The following GRID2 variants were observed in gnomAD, a reference collection of about 807,000 sequenced individuals.
GRID2 encodes the protein glutamate receptor ionotropic, delta-2.
A neutral mutation model predicts 114.8 loss-of-function variants in GRID2; 33 were observed. That is an observed-to-expected ratio of 0.29 (90% CI 0.22 to 0.38). The LOEUF (loss-of-function observed/expected upper bound fraction) is 0.38. Among genes scored for constraint, GRID2 ranks in the 10% least tolerant of loss-of-function variants. The pLI is 1.00. For synonymous variants in GRID2, 505 were observed against 449.9 expected (o/e 1.12, Z -1.55); for missense variants, 1,184 against 1,257.7 (o/e 0.94, Z 0.89).
intron 2 of GRID2, among the ~76,000 whole-genome samples, chr4:93,021,175 T>C (rs957187862): frequency 2.0e-5 from 3 of 152,016 alleles, no homozygotes; most frequent in African/African-American, 7.2e-5. Context: ...AAAATATAAA[T>C]GCCTGAAAAA....
chr4:93,303,303 G>A (rs1282298456), intron 8 of GRID2, among the ~76,000 whole-genome samples: 1 of 152,130 alleles, frequency 6.6e-6, no homozygotes, highest in Non-Finnish European at 1.5e-5. Flanking sequence ...ATCAAAATAT[G>A]TCCTAGAAGC....
At chr4:93,191,635 A>G (rs907933482) in intron 4 of GRID2, among the ~76,000 whole-genome samples, 3 of 152,092 alleles carry the variant, frequency 2.0e-5, no homozygotes, top group Non-Finnish European at 4.4e-5. Flanking sequence ...CTTTGGAATA[A>G]TACTGAAAAT....
intron 8 of GRID2, among the ~76,000 whole-genome samples, chr4:93,378,050 A>G (rs886730457): frequency 6.6e-6 from 1 of 152,154 alleles, no homozygotes. Context: ...GTTGAAAACA[A>G]TGAATGCAAA....
intron 2 of GRID2, among the ~76,000 whole-genome samples, chr4:92,788,842 G>A (rs116097474): frequency 6.6e-6 from 1 of 151,344 alleles, no homozygotes; most frequent in Non-Finnish European, 1.5e-5. Context: ...AGTATTTTTT[G>A]TATGTTTTAT....
chr4:92,688,948 T>C (rs1401947294), intron 2 of GRID2, among the ~76,000 whole-genome samples: 1 of 152,192 alleles, frequency 6.6e-6, no homozygotes, highest in Non-Finnish European at 1.5e-5. Flanking sequence ...ACTCTTTTGA[T>C]TCATGGGCTG....
At chr4:92,659,093 GTTATA>G (rs1732398477) in intron 2 of GRID2, among the ~76,000 whole-genome samples, 1 of 150,806 alleles carries the variant, frequency 6.6e-6, no homozygotes, top group Non-Finnish European at 1.5e-5. Flanking sequence ...AATAAAGATG[GTTATA>G]TTATAAGGAA....
At chr4:93,017,210 TACTC>T (rs1722833448) in intron 2 of GRID2, among the ~76,000 whole-genome samples, 1 of 152,212 alleles carries the variant, frequency 6.6e-6, no homozygotes, top group African/African-American at 2.4e-5. Context: ...TTATACAAAT[TACTC>T]AATAGCAATT....
chr4:93,625,993 A>T (rs192218947), intron 13 of GRID2, among the ~76,000 whole-genome samples: 41 of 152,346 alleles, frequency 2.7e-4, no homozygotes, highest in African/African-American at 9.6e-4. Flanking sequence ...ATTAGGTATC[A>T]TAAGTAATCT....
At chr4:92,788,033 A>G (rs1739404314) in intron 2 of GRID2, among the ~76,000 whole-genome samples, 1 of 151,908 alleles carries the variant, frequency 6.6e-6, no homozygotes, top group South Asian at 2.1e-4. Context: ...ATAATTAAAC[A>G]TTCCAAGAGG....
At chr4:93,193,788 A>G (rs932671849) in intron 4 of GRID2, among the ~76,000 whole-genome samples, 2 of 152,218 alleles carry the variant, frequency 1.3e-5, no homozygotes. Flanking sequence ...GAGATTTAAA[A>G]CGGGTATATG....
intron 1 of GRID2, among the ~76,000 whole-genome samples, chr4:92,537,784 GGTGTGTGTGTGTGTGTGTGT>G (rs70942907): frequency 4.0e-5 from 5 of 125,934 alleles, no homozygotes; most frequent in African/African-American, 5.6e-5. Context: ...AAAAACTTGC[GGTGTGTGTGTGTGTGTGTGT>G]GTGTGTGTGT....
intron 14 of GRID2, among the ~76,000 whole-genome samples, chr4:93,689,474 A>T (rs17020986): frequency 0.041 from 6,247 of 152,176 alleles, 195 homozygotes; most frequent in African/African-American, 0.08. Context: ...ATAAATTTGC[A>T]TAACAAAGAT....
chr4:92,350,744 A>G (rs1253600061), intron 1 of GRID2, among the ~76,000 whole-genome samples: 2 of 151,806 alleles, frequency 1.3e-5, no homozygotes, highest in African/African-American at 2.4e-5. Context: ...TAGTATATAC[A>G]TAGAGTTGTG....
intron 1 of GRID2, among the ~76,000 whole-genome samples, chr4:92,503,767 A>G (rs939890188): frequency 6.6e-6 from 1 of 152,128 alleles, no homozygotes; most frequent in African/African-American, 2.4e-5. Context: ...CCTACTTTAT[A>G]AAGCTAGAGT....
rs954616327 is a variant in GRID2, at chr4:93,061,873, A to G, written c.245-23122A>G. Among the ~76,000 whole-genome samples, 28 of 152,136 alleles carry G rather than the reference A, an allele frequency of 1.8e-4. 1 individual carries two copies. Among genetic ancestry groups the G allele is most frequent in the Admixed American group, 1.6e-3 (25 of 15,254 alleles). ...CCTGACAGCTTCTATTCTCCAGTCA[A>G]GTGCTTTCGAGGAATCCGTAAATGC... is the stretch of plus-strand genomic sequence containing the variant. On this transcript the variant is annotated intron_variant, in intron 2 of 15. Coordinates refer to ENST00000282020, the MANE Select transcript of GRID2 (RefSeq NM_001510.4).
At chr4:93,372,533 T>G (rs144742440) in intron 8 of GRID2, among the ~76,000 whole-genome samples, 1 of 152,206 alleles carries the variant, frequency 6.6e-6, no homozygotes, top group African/African-American at 2.4e-5. Context: ...CTCCTTCTTT[T>G]CTCTTTTTTC....
chr4:93,753,591 G>A (rs1439847013), intron 14 of GRID2, among the ~76,000 whole-genome samples: 2 of 152,146 alleles, frequency 1.3e-5, no homozygotes, highest in Non-Finnish European at 2.9e-5. Flanking sequence ...AGAACATGCG[G>A]TGTTTGGTTT....
At chr4:93,730,552 C>A (rs1219267833) in intron 14 of GRID2, among the ~76,000 whole-genome samples, 1 of 152,216 alleles carries the variant, frequency 6.6e-6, no homozygotes, top group Admixed American at 6.5e-5. Context: ...GCCAAGAGAG[C>A]ATTGGCTCCC....
intron 1 of GRID2, among the ~76,000 whole-genome samples, chr4:93,783,937 T>C (rs1053123436): frequency 2.7e-5 from 4 of 149,428 alleles, no homozygotes; most frequent in South Asian, 4.3e-4. Flanking sequence ...CCAGGCGTAG[T>C]GGCGGGCGCC....
Sources: gnomAD v4.1 joint callset for allele counts (sites outside exome capture counted in the v4.1 genomes callset) on GRCh38, gnomAD v4.1.1 for gene constraint, MANE v1.5 for transcripts, NCBI Gene and HGNC (gene_info 2026-07-23, HGNC 2026-07-21) for gene names.